Variants in DYNC2LI1 observed in about 807,000 individuals in gnomAD.
The protein encoded by DYNC2LI1 is cytoplasmic dynein 2 light intermediate chain 1.
Under a neutral mutation model 51.9 loss-of-function variants are expected in DYNC2LI1, and 45 were observed. That is an observed-to-expected ratio of 0.87 (90% confidence interval 0.68 to 1.11). The LOEUF (loss-of-function observed/expected upper bound fraction) is 1.11. Ranked by LOEUF, DYNC2LI1 falls within the 50% of genes most tolerant of loss-of-function variation. DYNC2LI1 has a pLI of 0.00. For synonymous variants in DYNC2LI1, 130 were observed against 137.8 expected (o/e 0.94, Z 0.40); for missense variants, 490 against 417.4 (o/e 1.17, Z -1.51).
chr2:43,796,313 A>G (rs1674033469), intron 7 of DYNC2LI1, among the ~76,000 whole-genome samples: 3 of 149,704 alleles, frequency 2.0e-5, no homozygotes, highest in Admixed American at 2.0e-4. Flanking sequence ...AGCCTGGGTT[A>G]CACAGTGAGA....
intron 2 of DYNC2LI1, among the ~76,000 whole-genome samples, chr2:43,779,828 A>G (rs546618622): frequency 7.2e-4 from 110 of 152,344 alleles, no homozygotes; most frequent in African/African-American, 2.6e-3. Flanking sequence ...TGCCATTTTG[A>G]TGATGGATGT....
intron 10 of DYNC2LI1, among the ~76,000 whole-genome samples, chr2:43,803,521 C>T (rs554350686): frequency 1.3e-5 from 2 of 152,206 alleles, no homozygotes; most frequent in East Asian, 3.9e-4. Context: ...AGGGATAGAA[C>T]TATGGATGGG....
chr2:43,793,843 A>G (rs76224003), intron 5 of DYNC2LI1: 17,218 of 152,438 alleles, frequency 0.11, 1,298 homozygotes, highest in Middle Eastern at 0.28. Context: ...GATGGTGGTC[A>G]TGTATCTGGT....
intron 2 of DYNC2LI1, chr2:43,781,558 A>G (rs1463029294): frequency 1.3e-5 from 2 of 151,632 alleles, no homozygotes; most frequent in African/African-American, 4.9e-5. Flanking sequence ...CATACTACAT[A>G]TGATACAAGT....
At chr2:43,803,541 G>A (rs1666141829) in intron 10 of DYNC2LI1, among the ~76,000 whole-genome samples, 1 of 152,168 alleles carries the variant, frequency 6.6e-6, no homozygotes, top group South Asian at 2.1e-4. Flanking sequence ...GGAGACCAGG[G>A]GAGGGGTCGG....
chr2:43,804,762 A>G, intron 11 of DYNC2LI1, 23 bp downstream of exon 11: 1 of 1,508,648 alleles, frequency 6.6e-7, no homozygotes, highest in Non-Finnish European at 9.1e-7. Context: ...AATTTTTTTA[A>G]AAGCAAGACT....
intron 4 of DYNC2LI1, among the ~76,000 whole-genome samples, chr2:43,788,185 A>C (rs1673611929): frequency 6.6e-6 from 1 of 152,204 alleles, no homozygotes; most frequent in Non-Finnish European, 1.5e-5. Flanking sequence ...GCTTCCCTTT[A>C]TCAAATTGTG....
the DYNC2LI1 span, chr2:43,824,449 A>T: frequency 6.2e-7 from 1 of 1,612,836 alleles, no homozygotes. Context: ...GTTTTTCCCA[A>T]AAGATGTCAC....
At chr2:43,788,082 A>T (rs1273954931) in intron 4 of DYNC2LI1, among the ~76,000 whole-genome samples, 1 of 152,226 alleles carries the variant, frequency 6.6e-6, no homozygotes, top group Non-Finnish European at 1.5e-5. Flanking sequence ...TTGAATTTTG[A>T]CATGAGTAAT....
intron 2 of DYNC2LI1, among the ~76,000 whole-genome samples, chr2:43,778,794 T>C (rs1436246995): frequency 6.6e-6 from 1 of 152,200 alleles, no homozygotes; most frequent in Admixed American, 6.5e-5. Flanking sequence ...CTGTTTTGTC[T>C]TGTTTTGTTT....
intron 9 of DYNC2LI1, chr2:43,801,246 G>A (rs950737641): frequency 6.4e-6 from 1 of 156,108 alleles, no homozygotes; most frequent in Non-Finnish European, 1.4e-5. Flanking sequence ...TTAGTTTGAG[G>A]CTGGAATAAA....
downstream of DYNC2LI1, chr2:43,814,597 A>C: frequency 6.6e-7 from 1 of 1,522,120 alleles, no homozygotes; most frequent in Non-Finnish European, 9.1e-7. Flanking sequence ...TTTCTTAAGA[A>C]AAAGAAAACA....
intron 2 of DYNC2LI1, among the ~76,000 whole-genome samples, chr2:43,781,358 C>T (rs1366813094): frequency 6.9e-6 from 1 of 144,626 alleles, no homozygotes; most frequent in Non-Finnish European, 1.5e-5. Context: ...CAGAGGGAGA[C>T]TCTGTCTCAA....
intron 3 of DYNC2LI1, among the ~76,000 whole-genome samples, chr2:43,786,249 A>T (rs1673515013): frequency 6.6e-6 from 1 of 152,118 alleles, no homozygotes; most frequent in South Asian, 2.1e-4. Context: ...CCCAGGCTGG[A>T]GTGCAGTGGC....
the DYNC2LI1 span, chr2:43,823,065 T>C: frequency 8.0e-7 from 1 of 1,248,358 alleles, no homozygotes; most frequent in Non-Finnish European, 1.1e-6. Flanking sequence ...TCCCTAGTCA[T>C]AGAAGGAGGG....
In DYNC2LI1 at chr2:43,804,667, C is replaced by A; in HGVS notation, c.828C>A (p.Asp276Glu). The change falls in exon 11 of 13, where the codon GAC becomes GAA. Residue 276 changes from aspartate (D) to glutamate (E), a missense_variant. By Grantham distance (45) the Asp-to-Glu change is conservative (BLOSUM62 2). Coordinates refer to ENST00000260605, the MANE Select transcript of DYNC2LI1 (RefSeq NM_016008.4). ...GATCTCCTCCTGTTCCTGAAAATGA[C>A]ATTGGAAAGCTTCATGCCCACTCAC... ...QIGSPPVPEN[D>E]IGKLHAHSPM... 3.7e-6 allele frequency: 6 copies of A among 1,606,114 alleles called. No homozygotes were observed. The highest frequency in any genetic ancestry group is 3.4e-5 in the Admixed American group (2 of 58,332).
chr2:43,824,278 C>T, the DYNC2LI1 span: 2 of 1,614,068 alleles, frequency 1.2e-6, no homozygotes, highest in African/African-American at 2.7e-5. Flanking sequence ...TGAAAGGAAC[C>T]ATTGGTAACG....
chr2:43,794,248 T>C (rs1200294742), intron 5 of DYNC2LI1: 1 of 484,416 alleles, frequency 2.1e-6, no homozygotes. Context: ...GTTCCACTAT[T>C]GTAACACTTA....
chr2:43,811,441 T>C (rs1172858210), downstream of DYNC2LI1, among the ~76,000 whole-genome samples: 6 of 152,202 alleles, frequency 3.9e-5, 1 homozygote, highest in Admixed American at 3.3e-4. Flanking sequence ...TTATCTTTCT[T>C]CACAAGTTAG....
Sources: gnomAD v4.1 joint callset for allele counts (sites outside exome capture counted in the v4.1 genomes callset) on GRCh38, gnomAD v4.1.1 for gene constraint, MANE v1.5 for transcripts, NCBI Gene and HGNC (gene_info 2026-07-23, HGNC 2026-07-21) for gene names.